Variants in RNF17 observed in about 807,000 individuals in gnomAD.
RNF17 encodes ring finger protein 17.
A neutral mutation model predicts 200.5 loss-of-function variants in RNF17; 31 were observed. The observed-to-expected ratio is 0.15, with a 90% CI of 0.12 to 0.21. RNF17 has a LOEUF of 0.21. Ranked by LOEUF, RNF17 falls within the 10% of genes least tolerant of loss-of-function variation. The pLI, the probability that RNF17 is intolerant of heterozygous loss-of-function variation, is 1.00. For missense variants in RNF17, 1,628 were observed against 1,905.1 expected (o/e 0.85, Z 2.71); for synonymous variants, 606 against 637.8 (o/e 0.95, Z 0.75).
At chr13:24,812,982 A>C (rs1392345347) in intron 15 of RNF17, among the ~76,000 whole-genome samples, 3 of 151,850 alleles carry the variant, frequency 2.0e-5, no homozygotes, top group Non-Finnish European at 2.9e-5. Context: ...GCGCCCGGCC[A>C]ATAGCATTCT....
At position 24,796,486 on chromosome 13, in the gene RNF17, C is replaced by T. The variant is rs12585769; in HGVS notation, c.1399+191C>T. Among the ~76,000 whole-genome samples, 430 of 152,184 alleles carry T rather than the reference C, an allele frequency of 2.8e-3. 9 individuals are homozygous for T. The East Asian group carries it at 0.057, about 20-fold the overall frequency. Reference sequence around the variant, plus strand: ...GCTAAGGATTAAGATGGAATGTTGGCACATTTTTTAGAGTGAGATATGTAC... The same window carrying T: ...GCTAAGGATTAAGATGGAATGTTGGTACATTTTTTAGAGTGAGATATGTAC... On this transcript the variant is annotated intron_variant, in intron 11 of 35. Coordinates refer to ENST00000255324, the MANE Select transcript of RNF17 (RefSeq NM_031277.3).
intron 15 of RNF17, among the ~76,000 whole-genome samples, chr13:24,815,397 C>A (rs890205146): frequency 2.0e-5 from 3 of 150,010 alleles, no homozygotes; most frequent in African/African-American, 4.9e-5. Flanking sequence ...TGTCTAGCAA[C>A]TTTGCTGAAT....
intron 18 of RNF17, among the ~76,000 whole-genome samples, chr13:24,836,328 G>A (rs949121992): frequency 6.6e-6 from 1 of 152,218 alleles, no homozygotes; most frequent in Non-Finnish European, 1.5e-5. Context: ...CCTTGCTAGA[G>A]ACCTAGATAT....
At chr13:24,875,279 T>C (rs1002568735) in intron 33 of RNF17, among the ~76,000 whole-genome samples, 1 of 152,186 alleles carries the variant, frequency 6.6e-6, no homozygotes, top group Non-Finnish European at 1.5e-5. Flanking sequence ...AATGGTGATA[T>C]CATTTTTGCT....
At chr13:24,826,330 A>G (rs1388902084) in intron 16 of RNF17, among the ~76,000 whole-genome samples, 1 of 152,218 alleles carries the variant, frequency 6.6e-6, no homozygotes, top group Non-Finnish European at 1.5e-5. Flanking sequence ...CAAAAATAAT[A>G]AAGTTTATTA....
At chr13:24,793,409 C>A in intron 10 of RNF17, 63 bp downstream of exon 10, 1 of 1,413,066 alleles carries the variant, frequency 7.1e-7, no homozygotes, top group South Asian at 1.4e-5. Context: ...ACAGTTGGTA[C>A]CTTTTTCGTC....
chr13:24,811,927 G>T (rs995382685), intron 15 of RNF17, among the ~76,000 whole-genome samples: 1 of 152,062 alleles, frequency 6.6e-6, no homozygotes, highest in African/African-American at 2.4e-5. Context: ...TACCCCTGCT[G>T]GGGGGTGCCT....
chr13:24,864,656 A>G (rs767691443), intron 28 of RNF17, among the ~76,000 whole-genome samples: 8 of 152,202 alleles, frequency 5.3e-5, no homozygotes, highest in Non-Finnish European at 1.0e-4. Flanking sequence ...AGAAAACTCT[A>G]TGAACTTGAA....
At chr13:24,875,130 A>G (rs1182644781) in intron 33 of RNF17, among the ~76,000 whole-genome samples, 1 of 152,204 alleles carries the variant, frequency 6.6e-6, no homozygotes, top group Admixed American at 6.5e-5. Flanking sequence ...TTTTTCACCA[A>G]AATAAATTTG....
At chr13:24,813,767 C>A (rs2137852362) in intron 15 of RNF17, among the ~76,000 whole-genome samples, 1 of 147,460 alleles carries the variant, frequency 6.8e-6, no homozygotes, top group Admixed American at 6.8e-5. Flanking sequence ...GTAGCTAGAA[C>A]TGCAGGCATG....
intron 19 of RNF17, among the ~76,000 whole-genome samples, chr13:24,842,606 A>G (rs1890755096): frequency 1.3e-5 from 2 of 152,274 alleles, no homozygotes; most frequent in South Asian, 4.1e-4. Context: ...TTGTGCTAAT[A>G]CTCACCCAGG....
At position 24,812,792 on chromosome 13, in the gene RNF17, A is replaced by T. The variant is rs374833774; in HGVS notation, c.2091+8363A>T. Among the ~76,000 whole-genome samples, 5 of 150,074 alleles carry T rather than the reference A, an allele frequency of 3.3e-5. No individual in the cohort carries two copies. In the South Asian group the frequency reaches 6.3e-4, roughly 19 times the overall value. On this transcript the variant is annotated intron_variant, in intron 15 of 35. Transcript: ENST00000255324. ...TGCCTCCTGGGTTCACGCCATTCTC[A>T]TGCCTCAGCCTCCCAAGTAGCTGGG...
At chr13:24,863,880 C>T (rs1003232292) in intron 28 of RNF17, among the ~76,000 whole-genome samples, 1 of 152,228 alleles carries the variant, frequency 6.6e-6, no homozygotes, top group Admixed American at 6.5e-5. Context: ...CAGACTCACT[C>T]CTCTCCCTTG....
chr13:24,751,298 G>GCA, the RNF17 span: 1 of 132,794 alleles, frequency 7.5e-6, no homozygotes, highest in Non-Finnish European at 1.7e-5. Flanking sequence ...TCTGATACTT[G>GCA]TATATATATA....
At chr13:24,819,626 CA>C (rs1238010956) in intron 15 of RNF17, among the ~76,000 whole-genome samples, 2 of 152,138 alleles carry the variant, frequency 1.3e-5, no homozygotes, top group African/African-American at 4.8e-5. Context: ...TTTAACTTCA[CA>C]AAAAACTACT....
chr13:24,756,096 T>C, the RNF17 span, among the ~76,000 whole-genome samples: 1 of 152,176 alleles, frequency 6.6e-6, no homozygotes, highest in Admixed American at 6.5e-5. Context: ...ATCTTCTCTC[T>C]TTAGTAGCTT....
intron 6 of RNF17, among the ~76,000 whole-genome samples, chr13:24,786,832 G>C (rs577877564): frequency 3.9e-5 from 6 of 152,136 alleles, no homozygotes; most frequent in African/African-American, 1.4e-4. Flanking sequence ...AGTTCCTTGA[G>C]CTCTTAGATT....
rs1325143276 is a variant in RNF17 at position 24,774,823 on chromosome 13, C to G, written c.236C>G (p.Ala79Gly). The change falls in exon 3 of 36, where the codon GCT (alanine) becomes GGT (glycine). Residue 79 changes from alanine to glycine, a missense_variant. Ala to Gly is a moderately conservative substitution (Grantham distance 60, BLOSUM62 0). Transcript: ENST00000255324. The stretch of plus-strand genomic sequence containing the variant: ...TTATTTTGTCCTAAGGTTGCTACAG[C>G]TGTAAATACTAGACAACGCTACTAC... ...IICPDCEVATAVNTRQRYYPM... is the reference protein window; with the variant it reads ...IICPDCEVATGVNTRQRYYPM... 1 of 1,608,028 alleles carries G rather than the reference C, an allele frequency of 6.2e-7. No individual in the cohort carries two copies. Among genetic ancestry groups the G allele is most frequent in the African/African-American group, 1.3e-5 (1 of 74,714 alleles).
downstream of RNF17, chr13:24,884,069 C>G: frequency 1.2e-6 from 2 of 1,610,662 alleles, no homozygotes; most frequent in South Asian, 1.1e-5. Flanking sequence ...TTTCTTCCAT[C>G]TGGGTAATGT....
Sources: allele counts gnomAD v4.1 joint callset (sites outside exome capture counted in the v4.1 genomes callset), GRCh38; gene constraint gnomAD v4.1.1; transcripts MANE v1.5; gene names NCBI Gene and HGNC (gene_info 2026-07-23, HGNC 2026-07-21).